Variants in FAM83E observed in about 807,000 individuals in gnomAD.
FAM83E encodes the protein scaffolding CK1 anchoring protein E, also known as protein FAM83E.
FAM83E carries 29 observed loss-of-function variants against 34.3 expected under a neutral mutation model. The observed-to-expected ratio is 0.85, with a 90% confidence interval of 0.63 to 1.15. The LOEUF (loss-of-function observed/expected upper bound fraction) is 1.15. Among genes scored for constraint, FAM83E ranks in the 50% most tolerant of loss-of-function variants. The pLI is 0.00. For synonymous variants in FAM83E, 312 were observed against 311.6 expected (o/e 1.00, Z -0.01); for missense variants, 697 against 685.0 (o/e 1.02, Z -0.20).
At chr19:48,607,375 G>A (rs1411080348) in intron 5 of FAM83E, 1 of 1,556,766 alleles carries the variant, frequency 6.4e-7, no homozygotes, top group Non-Finnish European at 8.7e-7. Context: ...GACAGGGCCT[G>A]GGACTGTTCT....
intron 6 of FAM83E, among the ~76,000 whole-genome samples, chr19:48,601,764 CAAA>C (rs768756786): frequency 9.2e-6 from 1 of 109,220 alleles, no homozygotes. Flanking sequence ...GACTCAGTCT[CAAA>C]AAAAAAAAAA....
At chr19:48,602,281 AG>A (rs1390928597) in intron 6 of FAM83E, among the ~76,000 whole-genome samples, 1 of 150,468 alleles carries the variant, frequency 6.6e-6, no homozygotes, top group Non-Finnish European at 1.5e-5. Flanking sequence ...AGAGGGTGAA[AG>A]GGGAAGGATG....
rs1329252415 is a variant in FAM83E, at chr19:48,614,484, G to C, written c.-1112C>G. ...CAGGGGCCAGTCTCTATCTCGCCCTGTCTCCCTCCCAAGCCTCAGTTATCC... is the reference window on the plus strand; with the variant it reads ...CAGGGGCCAGTCTCTATCTCGCCCTCTCTCCCTCCCAAGCCTCAGTTATCC... On this transcript the variant is annotated 5_prime_UTR_variant, in exon 3 of 7. Coordinates refer to ENST00000263266, the MANE Select transcript of FAM83E (RefSeq NM_017708.4). 8 of 985,472 alleles carry C rather than the reference G, an allele frequency of 8.1e-6. No individual in the cohort carries two copies. The highest frequency in any genetic ancestry group is 8.4e-6 in the Non-Finnish European group (7 of 830,032). The allele number at this position is 985,472 out of a possible 1,614,324, so 61.0% of individuals were successfully genotyped here.
intron 3 of FAM83E, among the ~76,000 whole-genome samples, chr19:48,611,148 TTTG>T (rs202222045): frequency 4.7e-5 from 7 of 148,964 alleles, no homozygotes; most frequent in East Asian, 2.0e-4. Context: ...TTTTTGTGTT[TTTG>T]TTGTTGTTGT....
In FAM83E at chr19:48,610,013, G is replaced by C. The variant is rs183694930; in HGVS notation, c.634-13C>G. The C allele has an allele frequency of 5.6e-5, 90 of 1,609,426 alleles. 1 individual carries two copies. In the African/African-American group the frequency reaches 9.9e-4, roughly 18 times the overall value. ...GGACATCCACGTTCTGTTGGTGTGG[G>C]GAGTGGAGGGTACACCCTTGCTGAG... On this transcript the variant is annotated splice_polypyrimidine_tract_variant and intron_variant, in intron 4 of 6. Coordinates refer to ENST00000263266, the MANE Select transcript of FAM83E (RefSeq NM_017708.4).
chr19:48,601,771 A>T (rs1973820649), intron 6 of FAM83E, among the ~76,000 whole-genome samples: 1 of 151,318 alleles, frequency 6.6e-6, no homozygotes. Context: ...TCTCAAAAAA[A>T]AAAAAAGGAA....
Position 48,609,916 on chromosome 19 carries a change from C to T in FAM83E, c.718G>A (p.Val240Met). 1 of 1,613,130 alleles carries T rather than the reference C, an allele frequency of 6.2e-7. No individual in the cohort carries two copies. The highest frequency in any genetic ancestry group is 8.5e-7 in the Non-Finnish European group (1 of 1,179,976). The change falls in exon 5 of 7, where the codon GTG becomes ATG. Residue 240 changes from valine to methionine, a missense_variant. Transcript: ENST00000263266. Reference protein sequence around the residue: ...QVSGTVREKFVLLDGERVISG... With the variant: ...QVSGTVREKFMLLDGERVISG... ...ATGACCCTCTCGCCGTCCAGCAGCA[C>T]AAACTTCTCCCGCACGGTGCCGCTC...
At chr19:48,607,379 CTG>C in intron 5 of FAM83E, 5 of 1,551,672 alleles carry the variant, frequency 3.2e-6, no homozygotes, top group Non-Finnish European at 4.4e-6. Flanking sequence ...GGGCCTGGGA[CTG>C]TTCTCCCAGA....
chr19:48,601,067 C>T lies in FAM83E; in HGVS notation c.*42G>A. ...GCTCTGAGCCGACAGTTGTCCGGCA[C>T]TGCTCCTTGGGTGGGCCAGCAGATT... On this transcript the variant is annotated 3_prime_UTR_variant, in exon 7 of 7. Transcript: ENST00000263266. 1 of 1,577,738 alleles carries T rather than the reference C, an allele frequency of 6.3e-7. No individual in the cohort carries two copies.
chr19:48,614,126 G>A lies in FAM83E; in HGVS notation c.-754C>T, dbSNP rs1029886303. Reference sequence around the variant, plus strand: ...GCCTGCTCGCTCAGCCTTAAAGGCCGAAGGCTTGGCAAACCCTTCCCTACC... The same window carrying A: ...GCCTGCTCGCTCAGCCTTAAAGGCCAAAGGCTTGGCAAACCCTTCCCTACC... On this transcript the variant is annotated 5_prime_UTR_variant, in exon 3 of 7. Transcript: ENST00000263266. 11 of 985,584 alleles carry A rather than the reference G, an allele frequency of 1.1e-5. No individual in the cohort carries two copies. Among genetic ancestry groups the A allele is most frequent in the South Asian group, 9.4e-5 (2 of 21,308 alleles). 61.1% of individuals were successfully genotyped at this position (985,584 alleles called of 1,614,324 possible).
In FAM83E at chr19:48,601,084, C is replaced by T. The variant is rs1973801889; in HGVS notation, c.*25G>A. 1 of 1,593,352 alleles carries T rather than the reference C, an allele frequency of 6.3e-7. No individual in the cohort carries two copies. On this transcript the variant is annotated 3_prime_UTR_variant, in exon 7 of 7. Coordinates refer to ENST00000263266, the MANE Select transcript of FAM83E (RefSeq NM_017708.4). ...GTCCGGCACTGCTCCTTGGGTGGGCCAGCAGATTTGGCTTGGGCTCCTGTT... is the reference window on the plus strand; with the variant it reads ...GTCCGGCACTGCTCCTTGGGTGGGCTAGCAGATTTGGCTTGGGCTCCTGTT...
At chr19:48,602,704 A>AT (rs1392056834) in intron 6 of FAM83E, among the ~76,000 whole-genome samples, 4 of 27,484 alleles carry the variant, frequency 1.5e-4, no homozygotes, top group African/African-American at 3.9e-4. Context: ...AAAAAAAAAA[A>AT]ATATATATAT....
rs777167411 is a variant in FAM83E at position 48,609,887 on chromosome 19, T to C, written c.747A>G (p.Ser249=). 6.2e-7 allele frequency: 1 copy of C among 1,612,690 alleles called. No homozygotes were observed. Among genetic ancestry groups the C allele is most frequent in the Non-Finnish European group, 8.5e-7 (1 of 1,179,868 alleles). The change falls in exon 5 of 7, where the codon TCA becomes TCG. Residue 249 remains serine (S), a synonymous_variant. Transcript: ENST00000263266. ...GGCGGGGGCTACACCTGTAGGATCC[T>C]GAGATGACCCTCTCGCCGTCCAGCA... ...FVLLDGERVI[S]GSYSFTWSDA...
chr19:48,609,995 C>T lies in FAM83E; in HGVS notation c.639G>A (p.Val213=). 1 of 1,611,778 alleles carries T rather than the reference C, an allele frequency of 6.2e-7. No individual in the cohort carries two copies. The highest frequency in any genetic ancestry group is 1.1e-5 in the South Asian group (1 of 91,050). The change falls in exon 5 of 7, where the codon GTG becomes GTA. Residue 213 remains valine, a synonymous_variant. Coordinates refer to ENST00000263266, the MANE Select transcript of FAM83E (RefSeq NM_017708.4). The part of the protein sequence containing the change: ...LGVNPWNTEN[V]DVRVVRGCSF... ...TGCAGCCCCGCACGACACGGACATC[C>T]ACGTTCTGTTGGTGTGGGGAGTGGA...
chr19:48,614,234 G>A lies in FAM83E; in HGVS notation c.-862C>T, dbSNP rs754033922. 1 of 985,336 alleles carries A rather than the reference G, an allele frequency of 1.0e-6. No homozygotes were observed. The allele number at this position is 985,336 out of a possible 1,614,324, so 61.0% of individuals were successfully genotyped here. A position where few individuals can be genotyped will look rare whatever the true frequency, so the allele number is the denominator to read the frequency against. ...GTGGAGGGTGAAATGCGCTACAGGG[G>A]TCTCCATTACTATGGGACAGGTCTA... On this transcript the variant is annotated 5_prime_UTR_variant, in exon 3 of 7. Coordinates refer to ENST00000263266, the MANE Select transcript of FAM83E (RefSeq NM_017708.4).
rs115091616 is a variant in FAM83E at position 48,614,858 on chromosome 19, G to A, written c.-1387-19C>T. 842 of 950,384 alleles carry A rather than the reference G, an allele frequency of 8.9e-4. 5 individuals are homozygous for A. The African/African-American group carries it at 0.014, about 15-fold the overall frequency. 58.9% of individuals were successfully genotyped at this position (950,384 alleles called of 1,614,324 possible). On this transcript the variant is annotated intron_variant, in intron 1 of 6. Coordinates refer to ENST00000263266, the MANE Select transcript of FAM83E (RefSeq NM_017708.4). ...CCTCGACCTGGAATCCAGGGAGCCC[G>A]GCCCCTTGTGTAAACACAGGAGGGC...
chr19:48,601,396 G>A, intron 6 of FAM83E, 27 bp from the exon 7 acceptor site: 1 of 1,554,750 alleles, frequency 6.4e-7, no homozygotes, highest in South Asian at 1.2e-5. Flanking sequence ...AGGGAGGTGA[G>A]AGGAGGCTGG....
chr19:48,605,532 G>T (rs953992511), intron 5 of FAM83E, among the ~76,000 whole-genome samples: 1 of 151,890 alleles, frequency 6.6e-6, no homozygotes, highest in South Asian at 2.1e-4. Context: ...CCAAGATCGC[G>T]CCACTGCACT....
chr19:48,600,992 C>T lies in FAM83E; in HGVS notation c.*117G>A. ...AGTGACAAACATCCCTTCTGCTTGA[C>T]AGACGCCGAGGCCAGAAGCCTTGTC... is the stretch of plus-strand genomic sequence containing the variant. On this transcript the variant is annotated 3_prime_UTR_variant, in exon 7 of 7. Transcript: ENST00000263266. 2.7e-6 allele frequency: 4 copies of T among 1,478,088 alleles called. No homozygotes were observed. The highest frequency in any genetic ancestry group is 3.6e-6 in the Non-Finnish European group (4 of 1,121,990). The allele number at this position is 1,478,088 out of a possible 1,614,324, so 91.6% of individuals were successfully genotyped here.
Sources: gnomAD v4.1 joint callset for allele counts (sites outside exome capture counted in the v4.1 genomes callset) on GRCh38, gnomAD v4.1.1 for gene constraint, MANE v1.5 for transcripts, NCBI Gene and HGNC (gene_info 2026-07-23, HGNC 2026-07-21) for gene names.